The following QKI variants were observed in gnomAD, a reference collection of about 807,000 sequenced individuals.
The protein encoded by QKI is QKI, KH domain containing RNA binding.
QKI carries 10 observed loss-of-function variants against 39.0 expected under a neutral mutation model. The ratio of observed to expected loss-of-function variants is 0.26; its 90% CI spans 0.16 to 0.43. The LOEUF (loss-of-function observed/expected upper bound fraction) is 0.43. Among genes scored for constraint, QKI ranks in the 20% least tolerant of loss-of-function variants. The probability of loss-of-function intolerance (pLI) is 1.00; values close to 1 mark genes in which losing one functional copy is unlikely to be tolerated. For missense variants in QKI, 218 were observed against 428.0 expected, an observed-to-expected ratio of 0.51 and a Z score of 4.33; for synonymous variants, 204 against 155.4, an observed-to-expected ratio of 1.31 and a Z score of -2.33.
intron 3 of QKI, among the ~76,000 whole-genome samples, chr6:163,501,005 A>G (rs1417088295): frequency 6.6e-6 from 1 of 152,156 alleles, no homozygotes; most frequent in East Asian, 1.9e-4. Flanking sequence ...AATAAGATGA[A>G]AATAGTTTCT....
chr6:163,507,385 T>C (rs1288136438), intron 3 of QKI, among the ~76,000 whole-genome samples: 3 of 152,168 alleles, frequency 2.0e-5, no homozygotes, highest in Admixed American at 6.5e-5. Context: ...AACCAGCTAC[T>C]CCAAGGAACT....
At chr6:163,547,754 C>G (rs963597114) in intron 4 of QKI, among the ~76,000 whole-genome samples, 5 of 152,110 alleles carry the variant, frequency 3.3e-5, no homozygotes, top group African/African-American at 1.2e-4. Flanking sequence ...CTGATTCTAC[C>G]TCCAAATAGC....
chr6:163,561,314 T>G (rs1782989253), intron 4 of QKI, among the ~76,000 whole-genome samples: 7 of 152,086 alleles, frequency 4.6e-5, no homozygotes, highest in Admixed American at 4.6e-4. Context: ...TTCAGCAAAA[T>G]GATAGTTGCT....
intron 4 of QKI, among the ~76,000 whole-genome samples, chr6:163,537,261 G>C (rs1242718378): frequency 6.6e-6 from 1 of 152,174 alleles, no homozygotes; most frequent in Non-Finnish European, 1.5e-5. Context: ...GATTAAATGA[G>C]ATGATACATG....
intron 2 of QKI, among the ~76,000 whole-genome samples, chr6:163,472,292 A>G (rs1792264563): frequency 6.6e-6 from 1 of 152,196 alleles, no homozygotes; most frequent in African/African-American, 2.4e-5. Context: ...ATTAAGTGGA[A>G]GTAGATCATA....
At chr6:163,421,223 T>C (rs2128207418) in intron 1 of QKI, among the ~76,000 whole-genome samples, 1 of 152,370 alleles carries the variant, frequency 6.6e-6, no homozygotes, top group East Asian at 1.9e-4. Context: ...TGTCATGTTA[T>C]TTGTAGTACT....
intron 3 of QKI, among the ~76,000 whole-genome samples, chr6:163,521,494 A>G (rs1780154023): frequency 6.6e-6 from 1 of 152,156 alleles, no homozygotes; most frequent in Non-Finnish European, 1.5e-5. Context: ...GAAAAAAATC[A>G]TGACATCACA....
intron 2 of QKI, among the ~76,000 whole-genome samples, chr6:163,474,627 G>C (rs1473914123): frequency 6.6e-6 from 1 of 151,796 alleles, no homozygotes; most frequent in Non-Finnish European, 1.5e-5. Flanking sequence ...AATCAAAAAA[G>C]CTCTACATTT....
Position 163,415,236 on chromosome 6 carries a change from C to A in QKI, c.43C>A (p.Pro15Thr). The change falls in exon 1 of 8, where the codon CCA (proline) becomes ACA (threonine). Residue 15 changes from proline to threonine, a missense_variant. Transcript: ENST00000361752. The part of the protein sequence containing the change: ...METKEKPKPT[P>T]DYLMQLMNDK... ...AACGAAGGAGAAGCCGAAGCCCACCCCAGATTACCTGATGCAGCTGATGAA... is the reference window on the plus strand; with the variant it reads ...AACGAAGGAGAAGCCGAAGCCCACCACAGATTACCTGATGCAGCTGATGAA... 1 of 1,598,106 alleles carries A rather than the reference C, an allele frequency of 6.3e-7. No homozygotes were observed. Among genetic ancestry groups the A allele is most frequent in the East Asian group, 2.3e-5 (1 of 44,090 alleles).
At chr6:163,518,813 A>G (rs1258624416) in intron 3 of QKI, among the ~76,000 whole-genome samples, 1 of 152,192 alleles carries the variant, frequency 6.6e-6, no homozygotes, top group Admixed American at 6.5e-5. Context: ...TGATTTACAA[A>G]GAAAATCAAA....
At chr6:163,497,184 T>TG (rs1405480488) in intron 3 of QKI, among the ~76,000 whole-genome samples, 1 of 152,190 alleles carries the variant, frequency 6.6e-6, no homozygotes, top group Non-Finnish European at 1.5e-5. Flanking sequence ...TCTTTAGTGT[T>TG]GTGCTTTAAG....
chr6:163,474,591 A>G (rs1792442709), intron 2 of QKI, among the ~76,000 whole-genome samples: 1 of 152,020 alleles, frequency 6.6e-6, no homozygotes, highest in South Asian at 2.1e-4. Context: ...CTTAACAACA[A>G]CAAAAGTAAA....
chr6:163,482,529 C>G (rs1487944428), intron 3 of QKI, among the ~76,000 whole-genome samples: 1 of 152,188 alleles, frequency 6.6e-6, no homozygotes, highest in Non-Finnish European at 1.5e-5. Flanking sequence ...CAGTGGTGAC[C>G]TGTGCTTTTG....
chr6:163,568,732 G>A (rs1356268087), intron 7 of QKI: 1 of 985,220 alleles, frequency 1.0e-6, no homozygotes, highest in Non-Finnish European at 1.2e-6. Context: ...AATTCTATAT[G>A]AACGTTTAGA....
At chr6:163,531,657 C>T (rs906826547) in intron 3 of QKI, among the ~76,000 whole-genome samples, 1 of 152,090 alleles carries the variant, frequency 6.6e-6, no homozygotes, top group Admixed American at 6.6e-5. Context: ...TTACTTCTTA[C>T]GAGTTTGGAC....
chr6:163,465,499 A>G (rs1332154359), intron 2 of QKI, among the ~76,000 whole-genome samples: 2 of 151,486 alleles, frequency 1.3e-5, no homozygotes, highest in African/African-American at 4.8e-5. Context: ...ATGGTGATGC[A>G]TGCCTGTAAT....
At chr6:163,531,758 GC>G (rs960845618) in intron 3 of QKI, among the ~76,000 whole-genome samples, 2 of 152,018 alleles carry the variant, frequency 1.3e-5, no homozygotes, top group Non-Finnish European at 2.9e-5. Flanking sequence ...TCCTGCCTCG[GC>G]CCCCCCAAAG....
At chr6:163,570,396 A>T (rs1474670387) in intron 7 of QKI, 5 of 982,482 alleles carry the variant, frequency 5.1e-6, no homozygotes, top group Non-Finnish European at 6.0e-6. Context: ...ACTGCTACTA[A>T]CTATTAGTTG....
Position 163,529,175 on chromosome 6 carries a change from A to G in QKI, c.403-5807A>G, listed in dbSNP as rs114255515. ...TAAAAATTGTCATGTACACCTGGTA[A>G]CTAAGGAGAAAGAAAGAAGCCGTCC... On this transcript the variant is annotated intron_variant, in intron 3 of 7. Transcript: ENST00000361752. Among the ~76,000 whole-genome samples the G allele has an allele frequency of 2.5e-3, 386 of 152,292 alleles. 2 individuals carry two copies. Among genetic ancestry groups the G allele is most frequent in the African/African-American group, 8.8e-3 (364 of 41,556 alleles).
Sources: allele counts gnomAD v4.1 joint callset (sites outside exome capture counted in the v4.1 genomes callset), GRCh38; gene constraint gnomAD v4.1.1; transcripts MANE v1.5; gene names NCBI Gene and HGNC (gene_info 2026-07-23, HGNC 2026-07-21).